The following LRCH3 variants were observed in gnomAD, a reference collection of about 807,000 sequenced individuals.
The protein encoded by LRCH3 is leucine rich repeats and calponin homology domain containing 3, also known as DISP complex protein LRCH3.
Under a neutral mutation model 104.5 loss-of-function variants are expected in LRCH3, and 68 were observed. The observed-to-expected ratio is 0.65, with a 90% confidence interval of 0.54 to 0.80. The LOEUF (loss-of-function observed/expected upper bound fraction) is 0.80, where lower values mean the gene tolerates loss of function less well. Among genes scored for constraint, LRCH3 ranks in the 30% least tolerant of loss-of-function variants. The pLI is 0.00. For synonymous variants in LRCH3, 344 were observed against 361.3 expected (o/e 0.95, Z 0.54); for missense variants, 951 against 953.9 (o/e 1.00, Z 0.04).
chr3:197,818,999 A>C (rs905950722), intron 3 of LRCH3, among the ~76,000 whole-genome samples: 2 of 151,896 alleles, frequency 1.3e-5, no homozygotes, highest in African/African-American at 4.8e-5. Context: ...GGTGGCACGC[A>C]CCTGTTATCC....
intron 1 of LRCH3, among the ~76,000 whole-genome samples, chr3:197,800,157 C>A (rs1267671790): frequency 1.3e-5 from 2 of 151,824 alleles, no homozygotes; most frequent in South Asian, 2.1e-4. Context: ...CTGATCGCAC[C>A]ACTATACTCC....
At chr3:197,801,447 T>C (rs1355321334) in intron 1 of LRCH3, among the ~76,000 whole-genome samples, 1 of 152,202 alleles carries the variant, frequency 6.6e-6, no homozygotes, top group Non-Finnish European at 1.5e-5. Flanking sequence ...AAAAATTGAA[T>C]TGTATGTTTA....
chr3:197,792,635 A>T (rs1407082433), intron 1 of LRCH3, among the ~76,000 whole-genome samples: 1 of 108,502 alleles, frequency 9.2e-6, no homozygotes, highest in Non-Finnish European at 1.9e-5. Flanking sequence ...ATATACATAT[A>T]AATATTATAT....
rs151218613 is a variant in LRCH3, at chr3:197,845,470, A to G, written c.1329-1939A>G. ...TAGAAAGAAGATTTAAAGGAGATAC[A>G]TACATGTTATCTGCATTTTTGTTTT... On this transcript the variant is annotated intron_variant, in intron 10 of 20. Transcript: ENST00000425562. Among the ~76,000 whole-genome samples, 67 of 152,064 alleles carry G rather than the reference A, an allele frequency of 4.4e-4. 2 individuals are homozygous for G. In the East Asian group the frequency reaches 0.013, roughly 28 times the overall value.
At chr3:197,840,192 C>T (rs1430784652) in intron 10 of LRCH3, among the ~76,000 whole-genome samples, 1 of 152,074 alleles carries the variant, frequency 6.6e-6, no homozygotes, top group Non-Finnish European at 1.5e-5. Flanking sequence ...AATGCCAGCA[C>T]TTTGGGAGGC....
At chr3:197,846,103 C>T (rs1422388941) in intron 10 of LRCH3, among the ~76,000 whole-genome samples, 2 of 151,632 alleles carry the variant, frequency 1.3e-5, no homozygotes, top group African/African-American at 2.4e-5. Flanking sequence ...ATTCCTGTTA[C>T]TCTAAATGTG....
chr3:197,797,893 A>AAAAAAACAAAAAAAAC (rs376623079), intron 1 of LRCH3, among the ~76,000 whole-genome samples: 4 of 146,748 alleles, frequency 2.7e-5, no homozygotes, highest in African/African-American at 7.9e-5. Flanking sequence ...CAAAAAAAAA[A>AAAAAAACAAAAAAAAC]ACAAAACCAG....
Position 197,847,461 on chromosome 3 carries a change from G to A in LRCH3, c.1380+1G>A, listed in dbSNP as rs780509044. The A allele has an allele frequency of 1.3e-6, 2 of 1,599,402 alleles. No individual in the cohort carries two copies. The highest frequency in any genetic ancestry group is 1.7e-6 in the Non-Finnish European group (2 of 1,174,698). Reference sequence around the variant, plus strand: ...GTCACTATCAGCAAGTCACAATCAGGTAATGTTTAGTAGTTGTGTTTATTT... The same window carrying A: ...GTCACTATCAGCAAGTCACAATCAGATAATGTTTAGTAGTTGTGTTTATTT... On this transcript the variant is annotated splice_donor_variant, in intron 11 of 20. Coordinates refer to ENST00000425562, the MANE Select transcript of LRCH3 (RefSeq NM_001365715.1). LOFTEE classifies it high-confidence loss of function.
chr3:197,844,671 G>A (rs925149478), intron 10 of LRCH3, among the ~76,000 whole-genome samples: 2 of 151,976 alleles, frequency 1.3e-5, no homozygotes, highest in Non-Finnish European at 2.9e-5. Flanking sequence ...AGGCTGGAGT[G>A]CAGTGGCGCG....
chr3:197,879,530 C>T (rs558488416), intron 20 of LRCH3, among the ~76,000 whole-genome samples: 26 of 151,764 alleles, frequency 1.7e-4, no homozygotes, highest in Admixed American at 1.3e-3. Context: ...CCTGTAGTCC[C>T]AGCTGCTCGG....
At chr3:197,850,014 T>C (rs753726993) in intron 12 of LRCH3, among the ~76,000 whole-genome samples, 14 of 152,166 alleles carry the variant, frequency 9.2e-5, no homozygotes, top group Non-Finnish European at 1.8e-4. Flanking sequence ...AAAGAAATTA[T>C]AGGGACCCTG....
chr3:197,880,748 C>T (rs934693060), intron 20 of LRCH3: 2 of 1,536,146 alleles, frequency 1.3e-6, no homozygotes, highest in Non-Finnish European at 1.7e-6. Flanking sequence ...CTGCCTCATT[C>T]CTGTGCTTGG....
intron 5 of LRCH3, among the ~76,000 whole-genome samples, chr3:197,827,739 A>G (rs1375514384): frequency 6.6e-6 from 1 of 151,956 alleles, no homozygotes; most frequent in Non-Finnish European, 1.5e-5. Context: ...AATTTTAGTT[A>G]ATTTCTTTAT....
chr3:197,832,281 G>C lies in LRCH3; in HGVS notation c.1066G>C (p.Glu356Gln). 1 of 1,613,958 alleles carries C rather than the reference G, an allele frequency of 6.2e-7. No individual in the cohort carries two copies. The highest frequency in any genetic ancestry group is 1.3e-5 in the African/African-American group (1 of 75,058). ...QRLRRESQYQ[E>Q]NRGSLVVTNG... Reference sequence around the variant, plus strand: ...ACTACGAAGAGAAAGCCAGTACCAAGAGAACCGCGGCAGTTTGGTAGTAAC... The same window carrying C: ...ACTACGAAGAGAAAGCCAGTACCAACAGAACCGCGGCAGTTTGGTAGTAAC... The change falls in exon 8 of 21, where the codon GAG (glutamate) becomes CAG (glutamine). Residue 356 changes from glutamate to glutamine, a missense_variant. Physicochemically the swap from Glu to Gln is conservative, Grantham distance 29. Transcript: ENST00000425562.
Position 197,815,007 on chromosome 3 carries a change from CA to C in LRCH3, c.363del (p.Glu122ArgfsTer4). On this transcript the variant is annotated frameshift_variant, in exon 2 of 21. Transcript: ENST00000425562. LOFTEE classifies it high-confidence loss of function. ...TACCAAAATTGTATTCGTTATATTC[CA>C]GAGGCAATTTTAAACCTACAAGCTC... ...NLYQNCIRYIPEAILNLQALT... is the reference protein window; with the variant it reads ...NLYQNCIRYIXEAILNLQALT... The C allele has an allele frequency of 6.4e-7, 1 of 1,562,396 alleles. No individual in the cohort carries two copies. Among genetic ancestry groups the C allele is most frequent in the Non-Finnish European group, 8.8e-7 (1 of 1,140,398 alleles).
At chr3:197,840,022 T>C (rs904435447) in intron 10 of LRCH3, among the ~76,000 whole-genome samples, 1 of 151,742 alleles carries the variant, frequency 6.6e-6, no homozygotes, top group African/African-American at 2.4e-5. Flanking sequence ...AGAGTTCTAA[T>C]TTTTTTTAAC....
At chr3:197,878,233 C>A (rs1239506045) in intron 20 of LRCH3, among the ~76,000 whole-genome samples, 1 of 152,224 alleles carries the variant, frequency 6.6e-6, no homozygotes, top group Admixed American at 6.5e-5. Context: ...CTAAGCCTGT[C>A]CGCGGGGCTT....
In LRCH3 at chr3:197,847,449, A is replaced by G. The variant is rs141107517; in HGVS notation, c.1369A>G (p.Ser457Gly). The G allele has an allele frequency of 5.8e-5, 93 of 1,600,652 alleles. No individual in the cohort carries two copies. The highest frequency in any genetic ancestry group is 7.1e-5 in the Non-Finnish European group (84 of 1,175,380). The part of the protein sequence containing the change: ...EPSSLLSLSA[S>G]HNQLSHTDLE... ...ATCTTCCCTCCTGTCACTATCAGCA[A>G]GTCACAATCAGGTAATGTTTAGTAG... The change falls in exon 11 of 21, where the codon AGT becomes GGT. Residue 457 changes from serine (S) to glycine (G), a missense_variant. Physicochemically the swap from Ser to Gly is moderately conservative, Grantham distance 56. Coordinates refer to ENST00000425562, the MANE Select transcript of LRCH3 (RefSeq NM_001365715.1).
chr3:197,885,377 G>A lies in LRCH3; in HGVS notation c.*1711G>A, dbSNP rs1714115236. ...TGTAATCTCAGCACTTTGGGAGGCT[G>A]AGGCGGGCAGATCACCTGAAGTTGG... On this transcript the variant is annotated 3_prime_UTR_variant, in exon 21 of 21. Coordinates refer to ENST00000425562, the MANE Select transcript of LRCH3 (RefSeq NM_001365715.1). The A allele has an allele frequency of 6.6e-6, 1 of 152,412 alleles. No individual in the cohort carries two copies. The highest frequency in any genetic ancestry group is 6.5e-5 in the Admixed American group (1 of 15,302). The allele number at this position is 152,412 out of a possible 1,614,324, so 9.4% of individuals were successfully genotyped here. A position where few individuals can be genotyped will look rare whatever the true frequency, so the allele number is the denominator to read the frequency against.
Sources: gnomAD v4.1 joint callset for allele counts (sites outside exome capture counted in the v4.1 genomes callset) on GRCh38, gnomAD v4.1.1 for gene constraint, MANE v1.5 for transcripts, NCBI Gene and HGNC (gene_info 2026-07-23, HGNC 2026-07-21) for gene names.